BRF1: variants seen among roughly 807,000 people sequenced by gnomAD.
The protein encoded by BRF1 is BRF1 general transcription factor IIIB subunit, also known as transcription factor IIIB 90 kDa subunit.
Under a neutral mutation model 81.7 loss-of-function variants are expected in BRF1, and 59 were observed. The observed-to-expected ratio is 0.72, with a 90% confidence interval of 0.59 to 0.90. The LOEUF (loss-of-function observed/expected upper bound fraction) is 0.90, where lower values mean the gene tolerates loss of function less well. BRF1 is among the 40% of genes least tolerant of loss of function. The pLI, the probability that BRF1 is intolerant of heterozygous loss-of-function variation, is 0.00. For synonymous variants in BRF1, 491 were observed against 395.6 expected (o/e 1.24, Z -2.86); for missense variants, 1,050 against 936.3 (o/e 1.12, Z -1.58).
At position 105,271,929 on chromosome 14, in the gene BRF1, G is replaced by A. The variant is rs1368677691; in HGVS notation, c.439+792C>T. Among the ~76,000 whole-genome samples the A allele has an allele frequency of 0.025, 277 of 11,300 alleles. 2 individuals are homozygous for A. Among genetic ancestry groups the A allele is most frequent in the South Asian group, 0.037 (12 of 320 alleles). 7.4% of individuals were successfully genotyped at this position (11,300 alleles called of 152,430 possible). On this transcript the variant is annotated intron_variant, in intron 3 of 17. Coordinates refer to ENST00000547530, the MANE Select transcript of BRF1 (RefSeq NM_001519.4). The surrounding 1 kb of genome is among the most constrained non-coding windows in gnomAD (Gnocchi z 5.5). Reference sequence around the variant, plus strand: ...TCGGCGGCCTCCCCGCCCACCGCCTGCAGTCACGGTGTCCACGCACAAGGC... The same window carrying A: ...TCGGCGGCCTCCCCGCCCACCGCCTACAGTCACGGTGTCCACGCACAAGGC...
chr14:105,214,499 G>A (rs1019610983), intron 15 of BRF1, among the ~76,000 whole-genome samples: 33 of 47,880 alleles, frequency 6.9e-4, no homozygotes, highest in Non-Finnish European at 1.0e-3. Context: ...CCACACCCCT[G>A]CATGGCTCAG....
At chr14:105,251,858 A>G (rs2055633408) in intron 5 of BRF1, among the ~76,000 whole-genome samples, 1 of 152,052 alleles carries the variant, frequency 6.6e-6, no homozygotes, top group South Asian at 2.1e-4. Context: ...TAGATTCTGC[A>G]TGCATGAACA....
intron 5 of BRF1, among the ~76,000 whole-genome samples, chr14:105,243,590 C>A (rs1019460024): frequency 6.6e-6 from 1 of 150,490 alleles, no homozygotes; most frequent in Non-Finnish European, 1.5e-5. Flanking sequence ...TGTACTCAGG[C>A]CTGGGCAACA....
chr14:105,241,019 G>T (rs2054567884), intron 6 of BRF1, among the ~76,000 whole-genome samples: 1 of 152,220 alleles, frequency 6.6e-6, no homozygotes, highest in Admixed American at 6.5e-5. Flanking sequence ...GCAACCTGGG[G>T]TCAAGGCCGC....
At chr14:105,272,364 G>T (rs933163299) in intron 3 of BRF1, among the ~76,000 whole-genome samples, 1 of 152,324 alleles carries the variant, frequency 6.6e-6, no homozygotes, top group African/African-American at 2.4e-5. Context: ...CACCCCACCT[G>T]CTCAGGCCAG....
At chr14:105,229,246 C>G (rs12431709) in intron 6 of BRF1, among the ~76,000 whole-genome samples, 1 of 152,172 alleles carries the variant, frequency 6.6e-6, no homozygotes, top group African/African-American at 2.4e-5. Context: ...GAGCTGGGGA[C>G]TCTGAGGATG....
rs186767710 is a variant in BRF1, at chr14:105,251,461, G to A, written c.544+1046C>T. 2.8e-3 allele frequency among the ~76,000 whole-genome samples: 427 copies of A among 152,282 alleles called. 2 individuals carry two copies. Among genetic ancestry groups the A allele is most frequent in the African/African-American group, 9.8e-3 (406 of 41,560 alleles). On this transcript the variant is annotated intron_variant, in intron 5 of 17. Transcript: ENST00000547530. ...GCCTGTTGCAGGAGTGGACTATAGG[G>A]TGAAACAGGCTCTCCCACCCCTTGT...
intron 10 of BRF1, among the ~76,000 whole-genome samples, chr14:105,225,483 T>C (rs114916132): frequency 3.9e-5 from 6 of 152,298 alleles, no homozygotes; most frequent in African/African-American, 1.2e-4. Flanking sequence ...GATCTGATGA[T>C]TGACCAGACT....
At chr14:105,296,246 C>T (rs765574327) in intron 1 of BRF1, among the ~76,000 whole-genome samples, 6 of 151,972 alleles carry the variant, frequency 3.9e-5, no homozygotes, top group Admixed American at 6.6e-5. Flanking sequence ...AAACTGCGGC[C>T]GGGTGCAACA....
intron 5 of BRF1, chr14:105,249,026 CGG>C: frequency 2.5e-6 from 3 of 1,176,680 alleles, no homozygotes; most frequent in Non-Finnish European, 3.1e-6. Context: ...CGCCCACACT[CGG>C]CAACAACCAC....
upstream of BRF1, among the ~76,000 whole-genome samples, chr14:105,302,481 G>C (rs1228329818): frequency 6.6e-6 from 1 of 152,066 alleles, no homozygotes. Flanking sequence ...GGGATTACAG[G>C]CATGAGCCAC....
chr14:105,265,234 C>T (rs587702254), intron 3 of BRF1, among the ~76,000 whole-genome samples: 1 of 151,978 alleles, frequency 6.6e-6, no homozygotes, highest in African/African-American at 2.4e-5. Context: ...CCACACCTGG[C>T]TAATTTCTTT....
chr14:105,265,271 C>G (rs1282375520), intron 3 of BRF1, among the ~76,000 whole-genome samples: 2 of 152,026 alleles, frequency 1.3e-5, no homozygotes, highest in Non-Finnish European at 2.9e-5. Flanking sequence ...TCCTAAACTC[C>G]TGGCCTCAAG....
At chr14:105,301,787 G>C (rs895618259), upstream of BRF1, among the ~76,000 whole-genome samples, 2 of 151,798 alleles carry the variant, frequency 1.3e-5, no homozygotes, top group Non-Finnish European at 1.5e-5. Flanking sequence ...TCAAATATCT[G>C]CAGGTGCTGT....
intron 3 of BRF1, among the ~76,000 whole-genome samples, chr14:105,257,247 A>C (rs932828755): frequency 1.3e-5 from 2 of 152,222 alleles, no homozygotes; most frequent in Admixed American, 6.5e-5. Context: ...GCTGAAGTGC[A>C]CATCTCCCAT....
chr14:105,246,858 C>G (rs764387052), intron 5 of BRF1: 2 of 985,508 alleles, frequency 2.0e-6, no homozygotes, highest in East Asian at 1.1e-4. Flanking sequence ...GATCAAGACG[C>G]TGACTACCTC....
intron 15 of BRF1, 32 bp from the exon 16 acceptor site, chr14:105,212,196 GC>G: frequency 6.2e-7 from 1 of 1,603,612 alleles, no homozygotes; most frequent in Non-Finnish European, 8.5e-7. Flanking sequence ...GGCGGCCTCA[GC>G]CCAGGCTCCC....
At chr14:105,266,177 A>G (rs774028586) in intron 3 of BRF1, among the ~76,000 whole-genome samples, 6 of 151,988 alleles carry the variant, frequency 3.9e-5, no homozygotes, top group Non-Finnish European at 5.9e-5. Context: ...CAGATACAAT[A>G]GCTCACACCT....
intron 1 of BRF1, chr14:105,314,428 G>A (rs1230995101): frequency 6.7e-6 from 1 of 149,708 alleles, no homozygotes; most frequent in Admixed American, 6.6e-5. Flanking sequence ...GGACCCCCAC[G>A]ACTCTCCCGG....
Sources: gnomAD v4.1 joint callset for allele counts (sites outside exome capture counted in the v4.1 genomes callset) on GRCh38, gnomAD v4.1.1 for gene constraint, Gnocchi (gnomAD v3.1) non-coding constraint, MANE v1.5 for transcripts, NCBI Gene and HGNC (gene_info 2026-07-23, HGNC 2026-07-21) for gene names.